BICRA: variants seen among roughly 807,000 people sequenced by gnomAD.
BICRA encodes BRD4-interacting chromatin-remodeling complex-associated protein.
BICRA carries 31 observed loss-of-function variants against 96.9 expected under a neutral mutation model. That is an observed-to-expected ratio of 0.32 (90% CI 0.24 to 0.43). The LOEUF is 0.43. Ranked by LOEUF, BICRA falls within the 20% of genes least tolerant of loss-of-function variation. The pLI, the probability that BICRA is intolerant of heterozygous loss-of-function variation, is 1.00. For synonymous variants in BICRA, 1,350 were observed against 1,071.8 expected, an observed-to-expected ratio of 1.26 and a Z score of -5.07; for missense variants, 2,283 against 2,190.3, an observed-to-expected ratio of 1.04 and a Z score of -0.84.
At chr19:47,676,042 T>G (rs1315517123) in intron 5 of BICRA, 126 bp downstream of exon 5, 1,220 of 324,702 alleles carry the variant, frequency 3.8e-3, no homozygotes, top group East Asian at 9.3e-3. Context: ...AGGGCGGGGG[T>G]GGGCCACCCA....
At chr19:47,644,459 C>T (rs1371974941) in intron 1 of BICRA, among the ~76,000 whole-genome samples, 2 of 137,526 alleles carry the variant, frequency 1.5e-5, no homozygotes, top group African/African-American at 5.4e-5. Flanking sequence ...TCCCTCCTTC[C>T]CCTCCCCTTT....
intron 1 of BICRA, chr19:47,615,783 C>T (rs1419304830): frequency 6.6e-6 from 1 of 152,092 alleles, no homozygotes; most frequent in Non-Finnish European, 1.5e-5. Flanking sequence ...TGCAGTGTGA[C>T]CCTGGGCAAG....
At chr19:47,609,777 G>T (rs531759666) in intron 1 of BICRA, among the ~76,000 whole-genome samples, 1 of 152,168 alleles carries the variant, frequency 6.6e-6, no homozygotes, top group South Asian at 2.1e-4. Context: ...CGTGGGTGTC[G>T]CGGACAGTGG....
rs148744651 is a variant in BICRA, at chr19:47,634,639, G to C, written c.-108+25471G>C. On this transcript the variant is annotated intron_variant, in intron 1 of 14. Transcript: ENST00000594866. ...ATAAAAACCAAAACAAACAAAGCCT[G>C]CTTCTCTCCATCTCAGTAAACGGCA... is the stretch of plus-strand genomic sequence containing the variant. Among the ~76,000 whole-genome samples the C allele has an allele frequency of 6.5e-3, 982 of 151,968 alleles. 14 individuals carry two copies. Among genetic ancestry groups the C allele is most frequent in the African/African-American group, 0.023 (936 of 41,428 alleles).
Position 47,633,714 on chromosome 19 carries a change from A to G in BICRA, c.-108+24546A>G, listed in dbSNP as rs1055507524. 5.3e-5 allele frequency among the ~76,000 whole-genome samples: 8 copies of G among 152,356 alleles called. No individual in the cohort carries two copies. In the East Asian group the frequency reaches 1.2e-3, roughly 22 times the overall value. The stretch of plus-strand genomic sequence containing the variant: ...AGTCTCTTCTCCTGTTATAATGGAC[A>G]GTGAACAAGACATGATATGAAAACA... On this transcript the variant is annotated intron_variant, in intron 1 of 14. Coordinates refer to ENST00000594866, the MANE Select transcript of BICRA (RefSeq NM_001394372.1).
chr19:47,672,030 T>G (rs1453505602), intron 2 of BICRA, among the ~76,000 whole-genome samples: 1 of 114,822 alleles, frequency 8.7e-6, no homozygotes, highest in South Asian at 2.9e-4. Context: ...TATGGAAGGA[T>G]GGAGGGATGG....
In BICRA at chr19:47,701,352, C is replaced by G; in HGVS notation, c.3620C>G (p.Ser1207Trp). 1 of 1,611,310 alleles carries G rather than the reference C, an allele frequency of 6.2e-7. No homozygotes were observed. Among genetic ancestry groups the G allele is most frequent in the Non-Finnish European group, 8.5e-7 (1 of 1,179,384 alleles). ...KPDEYVSSSRSLGLPIAASSE... is the reference protein window; with the variant it reads ...KPDEYVSSSRWLGLPIAASSE... ...GACGAGTACGTGTCTTCCTCCCGCT[C>G]GCTCGGCCTCCCCATCGCAGCCTCT... The change falls in exon 15 of 15, where the codon TCG becomes TGG. Residue 1207 changes from serine (S) to tryptophan (W), a missense_variant. Ser to Trp is a radical substitution (Grantham distance 177, BLOSUM62 -3). Coordinates refer to ENST00000594866, the MANE Select transcript of BICRA (RefSeq NM_001394372.1). This position sits in a 1 kb window ranked among gnomAD's most constrained non-coding sequence, Gnocchi z 5.4.
intron 1 of BICRA, among the ~76,000 whole-genome samples, chr19:47,665,985 A>G (rs1972773095): frequency 6.6e-6 from 1 of 152,246 alleles, no homozygotes; most frequent in South Asian, 2.1e-4. Flanking sequence ...GAGTCGCCCC[A>G]TTAGATAGCA....
intron 11 of BICRA, among the ~76,000 whole-genome samples, chr19:47,696,716 G>A (rs1289553346): frequency 5.9e-5 from 9 of 152,212 alleles, no homozygotes; most frequent in African/African-American, 2.2e-4. Flanking sequence ...AGGGAGGGTG[G>A]GCTGTGGCTC....
At position 47,695,617 on chromosome 19, in the gene BICRA, G is replaced by A. The variant is rs978791082; in HGVS notation, c.3186+143G>A. 8.2e-6 allele frequency: 5 copies of A among 611,268 alleles called. No homozygotes were observed. The African/African-American group carries it at 9.3e-5, about 11-fold the overall frequency. 37.9% of individuals were successfully genotyped at this position (611,268 alleles called of 1,614,324 possible). ...TCAGGCAGCTGAGACACCACGAACA[G>A]CCGTGCAGGGACAGGAAGGGCAGAA... On this transcript the variant is annotated intron_variant, in intron 10 of 14. Transcript: ENST00000594866.
At position 47,701,963 on chromosome 19, in the gene BICRA, G is replaced by C. The variant is rs1973461918; in HGVS notation, c.4231G>C (p.Gly1411Arg). 1 of 1,459,230 alleles carries C rather than the reference G, an allele frequency of 6.9e-7. No individual in the cohort carries two copies. Among genetic ancestry groups the C allele is most frequent in the Admixed American group, 2.8e-5 (1 of 35,416 alleles). The allele number at this position is 1,459,230 out of a possible 1,614,324, so 90.4% of individuals were successfully genotyped here. The part of the protein sequence containing the change: ...PEGTPAGRAR[G>R]GSPAPLPAKV... The stretch of plus-strand genomic sequence containing the variant: ...GGGGACGCCCGCAGGCAGGGCACGG[G>C]GAGGCAGCCCGGCGCCGCTGCCCGC... The change falls in exon 15 of 15, where the codon GGA becomes CGA. Residue 1411 changes from glycine to arginine, a missense_variant. Coordinates refer to ENST00000594866, the MANE Select transcript of BICRA (RefSeq NM_001394372.1). This position sits in a 1 kb window ranked among gnomAD's most constrained non-coding sequence, Gnocchi z 5.4.
At chr19:47,639,471 C>T (rs370008402) in intron 1 of BICRA, among the ~76,000 whole-genome samples, 7 of 151,240 alleles carry the variant, frequency 4.6e-5, no homozygotes, top group South Asian at 2.1e-4. Context: ...GGACTACAGG[C>T]GCCCGCTACT....
rs149385045 is a variant in BICRA at position 47,701,131 on chromosome 19, G to A, written c.3596-197G>A. The A allele has an allele frequency of 1.3e-3, 770 of 594,412 alleles. 5 individuals are homozygous for A. Among genetic ancestry groups the A allele is most frequent in the African/African-American group, 0.013 (684 of 53,776 alleles). 36.8% of individuals were successfully genotyped at this position (594,412 alleles called of 1,614,324 possible). ...CCACGTGGCTCGTGGCGCTGTGCCA[G>A]GCACAGTGGTTTTAGAGTTGGGGGA... On this transcript the variant is annotated intron_variant, in intron 14 of 14. Coordinates refer to ENST00000594866, the MANE Select transcript of BICRA (RefSeq NM_001394372.1). The surrounding 1 kb of genome is among the most constrained non-coding windows in gnomAD (Gnocchi z 5.4).
chr19:47,650,786 G>A (rs888474765), intron 1 of BICRA, among the ~76,000 whole-genome samples: 6 of 152,066 alleles, frequency 3.9e-5, no homozygotes, highest in African/African-American at 1.2e-4. Context: ...ATGCATTAGA[G>A]GGAAATGGGC....
chr19:47,637,711 C>A (rs1972321146), intron 1 of BICRA, among the ~76,000 whole-genome samples: 1 of 152,180 alleles, frequency 6.6e-6, no homozygotes, highest in East Asian at 1.9e-4. Flanking sequence ...CCCTGCTCCT[C>A]CCAGCCCCAG....
Position 47,695,705 on chromosome 19 carries a change from A to G in BICRA, c.3186+231A>G, listed in dbSNP as rs1220914188. ...ACGGAGACGGTGGGACGGAGACGGC[A>G]CCAAGACTACTGGCAACAGTGTAAG... On this transcript the variant is annotated intron_variant, in intron 10 of 14. Transcript: ENST00000594866. 4.6e-5 allele frequency among the ~76,000 whole-genome samples: 7 copies of G among 152,122 alleles called. No individual in the cohort carries two copies. In the South Asian group the frequency reaches 6.2e-4, roughly 14 times the overall value.
At chr19:47,618,073 C>T (rs1392793369) in intron 1 of BICRA, among the ~76,000 whole-genome samples, 2 of 152,180 alleles carry the variant, frequency 1.3e-5, no homozygotes, top group Non-Finnish European at 1.5e-5. Flanking sequence ...AATTCCCTGT[C>T]TTGGCCACAC....
chr19:47,675,973 G>A lies in BICRA; in HGVS notation c.150+57G>A. The A allele has an allele frequency of 7.7e-7, 1 of 1,294,668 alleles. No homozygotes were observed. The highest frequency in any genetic ancestry group is 1.1e-6 in the Non-Finnish European group (1 of 913,642). 80.2% of individuals were successfully genotyped at this position (1,294,668 alleles called of 1,614,324 possible). A position where few individuals can be genotyped will look rare whatever the true frequency, so the allele number is the denominator to read the frequency against. On this transcript the variant is annotated intron_variant, in intron 5 of 14. Coordinates refer to ENST00000594866, the MANE Select transcript of BICRA (RefSeq NM_001394372.1). This position sits in a 1 kb window ranked among gnomAD's most constrained non-coding sequence, Gnocchi z 4.7. Reference sequence around the variant, plus strand: ...GCTGTTGGGGCTGCCAGCGGGAGGAGGGCCCTGAAGCCAAGAGGGGAGGCT... The same window carrying A: ...GCTGTTGGGGCTGCCAGCGGGAGGAAGGCCCTGAAGCCAAGAGGGGAGGCT...
chr19:47,616,513 C>T (rs757089668), intron 1 of BICRA, among the ~76,000 whole-genome samples: 8 of 152,018 alleles, frequency 5.3e-5, no homozygotes, highest in Non-Finnish European at 8.8e-5. Context: ...GTGGCGCATG[C>T]TTGTAATCCC....
Sources: allele counts gnomAD v4.1 joint callset (sites outside exome capture counted in the v4.1 genomes callset), GRCh38; gene constraint gnomAD v4.1.1; non-coding constraint Gnocchi (gnomAD v3.1); transcripts MANE v1.5; gene names NCBI Gene and HGNC (gene_info 2026-07-23, HGNC 2026-07-21).